Variants in CEP63 observed in about 807,000 individuals in gnomAD.
The protein encoded by CEP63 is centrosomal protein of 63 kDa.
A neutral mutation model predicts 89.1 loss-of-function variants in CEP63; 84 were observed. That is an observed-to-expected ratio of 0.94 (90% CI 0.79 to 1.13). CEP63 has a LOEUF of 1.13. CEP63 is among the 50% of genes most tolerant of loss of function. The pLI, the probability that CEP63 is intolerant of heterozygous loss-of-function variation, is 0.00. For missense variants in CEP63, 838 were observed against 813.3 expected, an observed-to-expected ratio of 1.03 and a Z score of -0.37; for synonymous variants, 267 against 272.5, an observed-to-expected ratio of 0.98 and a Z score of 0.20.
intron 3 of CEP63, among the ~76,000 whole-genome samples, chr3:134,520,753 GA>G (rs1430356729): frequency 2.0e-5 from 3 of 152,182 alleles, no homozygotes; most frequent in Admixed American, 2.0e-4. Flanking sequence ...TTTGATTCAT[GA>G]CAAGATGACA....
intron 2 of CEP63, among the ~76,000 whole-genome samples, chr3:134,503,608 G>A (rs757568710): frequency 4.6e-5 from 7 of 151,982 alleles, no homozygotes; most frequent in Admixed American, 1.3e-4. Flanking sequence ...GTGGGGTACC[G>A]AAGTCCCCAA....
At chr3:134,759,782 G>A in the CEP63 span, among the ~76,000 whole-genome samples, 2 of 152,188 alleles carry the variant, frequency 1.3e-5, no homozygotes, top group Non-Finnish European at 2.9e-5. Context: ...CTTAAAAGAA[G>A]AAGAAGAGTA....
At chr3:134,772,225 G>A in the CEP63 span, among the ~76,000 whole-genome samples, 1 of 151,992 alleles carries the variant, frequency 6.6e-6, no homozygotes, top group Non-Finnish European at 1.5e-5. Context: ...TTCATGCCAG[G>A]AGAGGAGGTG....
the CEP63 span, chr3:134,615,349 C>CTTTT: frequency 1.2e-4 from 12 of 96,138 alleles, no homozygotes; most frequent in East Asian, 3.5e-4. Context: ...GTTCAAGAAG[C>CTTTT]TTTTTTTTTT....
At chr3:134,535,744 ATGTTTTAGT>A (rs1950651898) in intron 5 of CEP63, 1 of 152,130 alleles carries the variant, frequency 6.6e-6, no homozygotes, top group African/African-American at 2.4e-5. Context: ...ACACTGATTC[ATGTTTTAGT>A]TGATAACAAC....
At chr3:134,569,573 C>G (rs1328160155), downstream of CEP63, among the ~76,000 whole-genome samples, 1 of 152,238 alleles carries the variant, frequency 6.6e-6, no homozygotes, top group Non-Finnish European at 1.5e-5. Flanking sequence ...TGGTCTTGCA[C>G]AGCTCCACTC....
the CEP63 span, among the ~76,000 whole-genome samples, chr3:134,726,295 C>A: frequency 6.6e-6 from 1 of 152,120 alleles, no homozygotes; most frequent in Non-Finnish European, 1.5e-5. Context: ...CCTTTCTGGG[C>A]GCCACCAGGC....
rs138235315 is a variant in CEP63 at position 134,507,243 on chromosome 3, A to G, written c.179A>G (p.Glu60Gly). Residue 60 changes from glutamate to glycine, a missense_variant, in exon 3 of 15, where the codon GAA (glutamate) becomes GGA (glycine). By Grantham distance (98) the Glu-to-Gly change is moderately conservative (BLOSUM62 -2). Transcript: ENST00000675561. ...ACTTGCTTGAAAATCCGTGAACAGGAACTTAAGAGTCTTAGGAGTCAGTTG... is the reference window on the plus strand; with the variant it reads ...ACTTGCTTGAAAATCCGTGAACAGGGACTTAAGAGTCTTAGGAGTCAGTTG... ...LETCLKIREQELKSLRSQLDV... is the reference protein window; with the variant it reads ...LETCLKIREQGLKSLRSQLDV... The G allele has an allele frequency of 8.7e-6, 14 of 1,613,806 alleles. No individual in the cohort carries two copies. Among genetic ancestry groups the G allele is most frequent in the Non-Finnish European group, 1.2e-5 (14 of 1,179,894 alleles).
At chr3:134,689,890 G>T in the CEP63 span, among the ~76,000 whole-genome samples, 1 of 152,156 alleles carries the variant, frequency 6.6e-6, no homozygotes, top group East Asian at 1.9e-4. Context: ...TGAAAGAGTG[G>T]GCAAGTGGGG....
At chr3:134,568,071 G>C (rs6769885), downstream of CEP63, among the ~76,000 whole-genome samples, 101,066 of 152,056 alleles carry the variant, frequency 0.66, 33,919 homozygotes, top group East Asian at 0.81. Context: ...AGAAACAGAT[G>C]AGCTAAGATA....
the CEP63 span, among the ~76,000 whole-genome samples, chr3:134,595,688 T>G: frequency 3.3e-5 from 5 of 152,194 alleles, no homozygotes; most frequent in Non-Finnish European, 4.4e-5. Flanking sequence ...GTGGGCCCTG[T>G]CTAGGTGGCC....
At position 134,531,923 on chromosome 3, in the gene CEP63, A is replaced by G. The variant is rs752920090; in HGVS notation, c.301A>G (p.Lys101Glu). 6.2e-7 allele frequency: 1 copy of G among 1,611,134 alleles called. No individual in the cohort carries two copies. The highest frequency in any genetic ancestry group is 8.5e-7 in the Non-Finnish European group (1 of 1,177,448). The stretch of plus-strand genomic sequence containing the variant: ...GACCATGGAATATAAGCAGGAGTTG[A>G]AGAAACTACATGAAGAAGTGAGATT... ...EMTMEYKQEL[K>E]KLHEELCILK... is the part of the protein sequence containing the mutation. Residue 101 changes from lysine (K) to glutamate (E), a missense_variant, in exon 4 of 15, where the codon AAG (lysine) becomes GAG (glutamate). Physicochemically the swap from Lys to Glu is moderately conservative, Grantham distance 56 (BLOSUM62 1). Transcript: ENST00000675561.
chr3:134,713,147 C>G, the CEP63 span, among the ~76,000 whole-genome samples: 12 of 152,204 alleles, frequency 7.9e-5, no homozygotes, highest in Non-Finnish European at 1.3e-4. Flanking sequence ...TTTTCTCCTA[C>G]CCCAAGGTCC....
At chr3:134,627,080 G>A in the CEP63 span, among the ~76,000 whole-genome samples, 1 of 152,106 alleles carries the variant, frequency 6.6e-6, no homozygotes, top group Non-Finnish European at 1.5e-5. Context: ...CCTATTACTA[G>A]TTTTCCCCTT....
At chr3:134,691,416 A>T in the CEP63 span, among the ~76,000 whole-genome samples, 3 of 151,206 alleles carry the variant, frequency 2.0e-5, no homozygotes, top group Non-Finnish European at 4.4e-5. Context: ...GGAGTTCGAG[A>T]CCAGCCTGGG....
chr3:134,490,793 A>G (rs1227159329), intron 1 of CEP63, among the ~76,000 whole-genome samples: 1 of 151,838 alleles, frequency 6.6e-6, no homozygotes, highest in Non-Finnish European at 1.5e-5. Flanking sequence ...GCAAATCTAC[A>G]TGGACAAACA....
the CEP63 span, among the ~76,000 whole-genome samples, chr3:134,751,917 G>A: frequency 6.6e-6 from 1 of 152,140 alleles, no homozygotes; most frequent in South Asian, 2.1e-4. Flanking sequence ...AGTCCACAAA[G>A]ACAGAGCTCA....
At chr3:134,672,685 C>T in the CEP63 span, among the ~76,000 whole-genome samples, 1 of 152,206 alleles carries the variant, frequency 6.6e-6, no homozygotes, top group South Asian at 2.1e-4. Flanking sequence ...TGCCTTCTCT[C>T]CATGCTGGCT....
the CEP63 span, among the ~76,000 whole-genome samples, chr3:134,776,591 C>G: frequency 1.3e-5 from 2 of 152,160 alleles, no homozygotes; most frequent in African/African-American, 4.8e-5. Context: ...GGCCTACCCA[C>G]AGGGTCTAGG....
Sources: gnomAD v4.1 joint callset for allele counts (sites outside exome capture counted in the v4.1 genomes callset) on GRCh38, gnomAD v4.1.1 for gene constraint, MANE v1.5 for transcripts, NCBI Gene and HGNC (gene_info 2026-07-23, HGNC 2026-07-21) for gene names.